Variants in GRM3 observed in about 807,000 individuals in gnomAD.
GRM3 encodes metabotropic glutamate receptor 3.
GRM3 carries 26 observed loss-of-function variants against 70.5 expected under a neutral mutation model. The ratio of observed to expected loss-of-function variants is 0.37; its 90% CI spans 0.27 to 0.51. The LOEUF is 0.51. Among genes scored for constraint, GRM3 ranks in the 20% least tolerant of loss-of-function variants. The pLI, the probability that GRM3 is intolerant of heterozygous loss-of-function variation, is 0.93. For synonymous variants in GRM3, 443 were observed against 434.9 expected (o/e 1.02, Z -0.23); for missense variants, 859 against 1,123.8 (o/e 0.76, Z 3.37).
chr7:86,750,921 A>G (rs983288317), intron 1 of GRM3, among the ~76,000 whole-genome samples: 8 of 152,230 alleles, frequency 5.3e-5, no homozygotes, highest in African/African-American at 1.4e-4. Flanking sequence ...CCAACTTTCA[A>G]TACAATTTGT....
intron 3 of GRM3, among the ~76,000 whole-genome samples, chr7:86,837,976 C>T (rs1277650682): frequency 2.0e-5 from 3 of 152,108 alleles, no homozygotes; most frequent in Non-Finnish European, 4.4e-5. Context: ...TGTATGTTGG[C>T]AAGACAAACA....
intron 5 of GRM3, among the ~76,000 whole-genome samples, chr7:86,855,544 G>C (rs952344231): frequency 1.3e-5 from 2 of 152,274 alleles, no homozygotes; most frequent in Admixed American, 6.5e-5. Flanking sequence ...GGCATATGGA[G>C]ATTGATTTTC....
intron 3 of GRM3, among the ~76,000 whole-genome samples, chr7:86,829,810 G>A (rs1798314549): frequency 6.6e-6 from 1 of 152,178 alleles, no homozygotes; most frequent in South Asian, 2.1e-4. Context: ...TGCAAGAGGA[G>A]TTGCCAGAAA....
chr7:86,800,838 T>C (rs990369305), intron 3 of GRM3, among the ~76,000 whole-genome samples: 10 of 152,016 alleles, frequency 6.6e-5, no homozygotes, highest in African/African-American at 1.9e-4. Flanking sequence ...ACAGCAAAAA[T>C]AGAAAACTTC....
At chr7:86,774,894 T>C (rs992874150) in intron 2 of GRM3, among the ~76,000 whole-genome samples, 17 of 152,232 alleles carry the variant, frequency 1.1e-4, no homozygotes, top group African/African-American at 4.1e-4. Flanking sequence ...TAAATAAAAA[T>C]ATACATGTGC....
chr7:86,786,566 C>T lies in GRM3; in HGVS notation c.774C>T (p.Ser258=), dbSNP rs150046484. The T allele has an allele frequency of 6.3e-5, 101 of 1,613,954 alleles. No homozygotes were observed. The African/African-American group carries it at 1.2e-3, about 19-fold the overall frequency. Residue 258 remains serine (S), a synonymous_variant, in exon 3 of 6, where the codon AGC becomes AGT. Transcript: ENST00000361669. The surrounding 1 kb of genome is among the most constrained non-coding windows in gnomAD (Gnocchi z 6.0). The part of the protein sequence containing the change: ...GRSNIRKSYD[S]VIRELLQKPN... ...CCAACATCCGCAAGTCCTACGACAG[C>T]GTGATCCGAGAACTGTTGCAGAAGC...
At chr7:86,703,513 T>A (rs769486478) in intron 1 of GRM3, among the ~76,000 whole-genome samples, 7 of 151,978 alleles carry the variant, frequency 4.6e-5, no homozygotes, top group Non-Finnish European at 7.4e-5. Context: ...GAAGAGTGTG[T>A]TAGTGTCTAA....
intron 1 of GRM3, among the ~76,000 whole-genome samples, chr7:86,722,605 G>C (rs1795496253): frequency 7.0e-6 from 1 of 142,418 alleles, no homozygotes; most frequent in Admixed American, 7.0e-5. Flanking sequence ...GGGACTGTCG[G>C]GGGGTGGGGG....
chr7:86,732,374 A>G (rs989138730), intron 1 of GRM3, among the ~76,000 whole-genome samples: 2 of 152,180 alleles, frequency 1.3e-5, no homozygotes, highest in African/African-American at 2.4e-5. Context: ...GGCAGAGGAA[A>G]AGTCTCAGAC....
chr7:86,818,987 T>C (rs933700024), intron 3 of GRM3, among the ~76,000 whole-genome samples: 1 of 152,108 alleles, frequency 6.6e-6, no homozygotes, highest in African/African-American at 2.4e-5. Flanking sequence ...CCTCATATCT[T>C]TTCCAGTTGT....
chr7:86,719,424 A>C (rs1164653545), intron 1 of GRM3, among the ~76,000 whole-genome samples: 3 of 151,934 alleles, frequency 2.0e-5, no homozygotes, highest in African/African-American at 7.2e-5. Flanking sequence ...ATGTGGACCT[A>C]CTCCTAAAGA....
intron 3 of GRM3, among the ~76,000 whole-genome samples, chr7:86,794,996 A>C (rs1797514101): frequency 6.6e-6 from 1 of 152,092 alleles, no homozygotes; most frequent in South Asian, 2.1e-4. Flanking sequence ...CTGCTGGACC[A>C]AGTATGATTA....
At chr7:86,823,462 CTT>C (rs1290577282) in intron 3 of GRM3, among the ~76,000 whole-genome samples, 2 of 151,984 alleles carry the variant, frequency 1.3e-5, no homozygotes, top group Non-Finnish European at 2.9e-5. Context: ...CACTAAATCA[CTT>C]TTCAATTATT....
chr7:86,819,269 C>A (rs1238856192), intron 3 of GRM3, among the ~76,000 whole-genome samples: 1 of 152,052 alleles, frequency 6.6e-6, no homozygotes, highest in Admixed American at 6.6e-5. Flanking sequence ...TAGTTTTTCA[C>A]CTTTCTCCTT....
chr7:86,748,269 C>G (rs1375151948), intron 1 of GRM3, among the ~76,000 whole-genome samples: 2 of 151,956 alleles, frequency 1.3e-5, no homozygotes, highest in Admixed American at 6.6e-5. Context: ...ACACTAGTAC[C>G]CTTGACTCTT....
At chr7:86,859,604 T>A (rs564580591) in intron 5 of GRM3, among the ~76,000 whole-genome samples, 2 of 152,292 alleles carry the variant, frequency 1.3e-5, no homozygotes, top group Middle Eastern at 3.4e-3. Context: ...ATGGAACAGA[T>A]GGAGCAAACT....
At chr7:86,787,313 G>A (rs1797278928) in intron 3 of GRM3, among the ~76,000 whole-genome samples, 197 bp downstream of exon 3, 1 of 152,164 alleles carries the variant, frequency 6.6e-6, no homozygotes, top group Non-Finnish European at 1.5e-5. Flanking sequence ...ATCTCGGCTG[G>A]TACACGACAT....
At chr7:86,783,852 A>ATGCTATT (rs1256350126) in intron 2 of GRM3, among the ~76,000 whole-genome samples, 2 of 152,182 alleles carry the variant, frequency 1.3e-5, no homozygotes, top group Non-Finnish European at 2.9e-5. Flanking sequence ...TTATCACCCC[A>ATGCTATT]TGCTATTCAA....
At chr7:86,781,345 T>G (rs902860187) in intron 2 of GRM3, among the ~76,000 whole-genome samples, 3 of 152,180 alleles carry the variant, frequency 2.0e-5, no homozygotes, top group Admixed American at 1.3e-4. Flanking sequence ...TGAATTGGAA[T>G]CTAAACAGGA....
Sources: gnomAD v4.1 joint callset for allele counts (sites outside exome capture counted in the v4.1 genomes callset) on GRCh38, gnomAD v4.1.1 for gene constraint, Gnocchi (gnomAD v3.1) non-coding constraint, MANE v1.5 for transcripts, NCBI Gene and HGNC (gene_info 2026-07-23, HGNC 2026-07-21) for gene names.